Variants in TXNRD3 observed in about 807,000 individuals in gnomAD.
TXNRD3 encodes thioredoxin reductase 3, also known as TXNRD3 neighbor gene protein.
Under a neutral mutation model 78.2 loss-of-function variants are expected in TXNRD3, and 68 were observed. That is an observed-to-expected ratio of 0.87 (90% CI 0.72 to 1.06). The LOEUF is 1.06. Among genes scored for constraint, TXNRD3 ranks in the 50% least tolerant of loss-of-function variants. The pLI, the probability that TXNRD3 is intolerant of heterozygous loss-of-function variation, is 0.00. For synonymous variants in TXNRD3, 296 were observed against 300.1 expected (o/e 0.99, Z 0.14); for missense variants, 751 against 809.5 (o/e 0.93, Z 0.88).
chr3:126,624,418 GTCTT>G (rs1457738381), intron 10 of TXNRD3, among the ~76,000 whole-genome samples: 6 of 151,752 alleles, frequency 4.0e-5, no homozygotes, highest in African/African-American at 7.3e-5. Context: ...CAGTTAAATG[GTCTT>G]TCTTTTTTTT....
chr3:126,629,173 G>T (rs950909732), intron 10 of TXNRD3, among the ~76,000 whole-genome samples: 1 of 151,992 alleles, frequency 6.6e-6, no homozygotes, highest in Admixed American at 6.6e-5. Context: ...ACATACAGTC[G>T]CATACACACA....
chr3:126,631,938 G>C, intron 7 of TXNRD3, 59 bp from the exon 8 acceptor site: 1 of 1,136,876 alleles, frequency 8.8e-7, no homozygotes, highest in Non-Finnish European at 1.3e-6. Context: ...AGACACCCTG[G>C]ACAAAATAGT....
At chr3:126,618,691 C>A (rs1440109212) in intron 12 of TXNRD3, among the ~76,000 whole-genome samples, 1 of 151,808 alleles carries the variant, frequency 6.6e-6, no homozygotes, top group Non-Finnish European at 1.5e-5. Flanking sequence ...ACACAGGCAA[C>A]AAAATGAAAA....
rs1938478170 is a variant in TXNRD3 at position 126,622,364 on chromosome 3, T to C, written c.1367+100A>G. 1.2e-5 allele frequency: 9 copies of C among 779,542 alleles called. No individual in the cohort carries two copies. The South Asian group carries it at 1.7e-4, about 15-fold the overall frequency. The allele number at this position is 779,542 out of a possible 1,614,324, so 48.3% of individuals were successfully genotyped here. A position where few individuals can be genotyped will look rare whatever the true frequency, so the allele number is the denominator to read the frequency against. ...GCTGGCACTGAACTTATAAGATAAATTAAGACATATCTCAGTAATTAAATG... is the reference window on the plus strand; with the variant it reads ...GCTGGCACTGAACTTATAAGATAAACTAAGACATATCTCAGTAATTAAATG... On this transcript the variant is annotated intron_variant, in intron 11 of 15. Coordinates refer to ENST00000524230, the MANE Select transcript of TXNRD3 (RefSeq NM_052883.3).
Position 126,655,105 on chromosome 3 carries a change from C to A in TXNRD3, c.-115G>T. On this transcript the variant is annotated 5_prime_UTR_variant, in exon 1 of 16. Coordinates refer to ENST00000524230, the MANE Select transcript of TXNRD3 (RefSeq NM_052883.3). ...GAACGCTGCCCTCGCTGGCCACTCT[C>A]ACCACCCGCGCGAATCCGCGAGGCA... 7.7e-7 allele frequency: 1 copy of A among 1,299,730 alleles called. No homozygotes were observed. Among genetic ancestry groups the A allele is most frequent in the South Asian group, 2.1e-5 (1 of 48,200 alleles). 80.5% of individuals were successfully genotyped at this position (1,299,730 alleles called of 1,614,324 possible).
At chr3:126,653,435 C>T (rs1933436238) in intron 1 of TXNRD3, among the ~76,000 whole-genome samples, 1 of 152,256 alleles carries the variant, frequency 6.6e-6, no homozygotes, top group African/African-American at 2.4e-5. Flanking sequence ...TATAATTTCA[C>T]AGAAGAGGAA....
chr3:126,651,177 C>T (rs1233028038), intron 1 of TXNRD3, among the ~76,000 whole-genome samples: 2 of 152,140 alleles, frequency 1.3e-5, no homozygotes, highest in African/African-American at 4.8e-5. Flanking sequence ...GAAAACTGTA[C>T]AACCAAGTTA....
At chr3:126,649,811 A>G (rs1421013124) in intron 1 of TXNRD3, among the ~76,000 whole-genome samples, 1 of 152,222 alleles carries the variant, frequency 6.6e-6, no homozygotes, top group African/African-American at 2.4e-5. Context: ...ATAGAGACAG[A>G]AAGTCAGACG....
Position 126,642,102 on chromosome 3 carries a change from C to T in TXNRD3, c.642G>A (p.Met214Ile). The T allele has an allele frequency of 6.5e-7, 1 of 1,536,316 alleles. No individual in the cohort carries two copies. The highest frequency in any genetic ancestry group is 8.7e-7 in the Non-Finnish European group (1 of 1,146,898). ...CCTGCCCCAAAAGGGCAGCCTGATG[C>T]ATCAATTTCTTAGGAATACAACCTA... is the stretch of plus-strand genomic sequence containing the variant. The change falls in exon 6 of 16, where the codon ATG becomes ATA. Residue 214 changes from methionine to isoleucine, a missense_variant. Transcript: ENST00000524230.
At chr3:126,652,247 G>A (rs921086355) in intron 1 of TXNRD3, among the ~76,000 whole-genome samples, 40 of 152,172 alleles carry the variant, frequency 2.6e-4, no homozygotes, top group African/African-American at 9.4e-4. Context: ...GTGGGGAGAT[G>A]CTACACACTT....
chr3:126,650,874 A>G (rs1933371546), intron 1 of TXNRD3, among the ~76,000 whole-genome samples: 1 of 152,156 alleles, frequency 6.6e-6, no homozygotes. Flanking sequence ...CCTCCACAGA[A>G]GCCACTGTTT....
chr3:126,643,289 A>T (rs964804349), intron 5 of TXNRD3, among the ~76,000 whole-genome samples: 4 of 152,246 alleles, frequency 2.6e-5, no homozygotes, highest in African/African-American at 7.2e-5. Flanking sequence ...CATTTAAAGA[A>T]TAAATGGAAA....
Position 126,654,662 on chromosome 3 carries a change from C to T in TXNRD3, c.243+86G>A, listed in dbSNP as rs967123841. 1.2e-5 allele frequency: 11 copies of T among 939,512 alleles called. No individual in the cohort carries two copies. The East Asian group carries it at 4.8e-4, about 41-fold the overall frequency. The allele number at this position is 939,512 out of a possible 1,614,324, so 58.2% of individuals were successfully genotyped here. A position where few individuals can be genotyped will look rare whatever the true frequency, so the allele number is the denominator to read the frequency against. ...CGCCGCAGCCCGGGACCCGCGGGCG[C>T]CCCGGCCCGGACCCGCCCTGCCCCG... On this transcript the variant is annotated intron_variant, in intron 1 of 15. Coordinates refer to ENST00000524230, the MANE Select transcript of TXNRD3 (RefSeq NM_052883.3).
intron 12 of TXNRD3, among the ~76,000 whole-genome samples, chr3:126,616,862 T>C (rs1938331397): frequency 1.3e-5 from 2 of 152,226 alleles, no homozygotes; most frequent in Admixed American, 6.5e-5. Context: ...TACACTCTCA[T>C]GCCACTTCAT....
At chr3:126,642,476 C>T (rs1933118440) in intron 5 of TXNRD3, among the ~76,000 whole-genome samples, 1 of 152,210 alleles carries the variant, frequency 6.6e-6, no homozygotes, top group African/African-American at 2.4e-5. Context: ...AATCTCAGCT[C>T]CCAGCCCTGT....
chr3:126,644,626 C>T (rs1044764097), intron 3 of TXNRD3, among the ~76,000 whole-genome samples: 8 of 152,168 alleles, frequency 5.3e-5, no homozygotes, highest in Non-Finnish European at 8.8e-5. Context: ...CCTTCTTACA[C>T]CTGACAGCTA....
rs114817250 is a variant in TXNRD3 at position 126,644,006 on chromosome 3, G to A, written c.567C>T (p.Val189=). The change falls in exon 5 of 16, where the codon GTC becomes GTT. Residue 189 remains valine, a synonymous_variant. Transcript: ENST00000524230. ...CCCAGGATGTGCCCTGAGGTGACGGGACAACAAAGTCTAGCACCATAACTT... is the reference window on the plus strand; with the variant it reads ...CCCAGGATGTGCCCTGAGGTGACGGAACAACAAAGTCTAGCACCATAACTT... 1.1e-3 allele frequency: 1,730 copies of A among 1,536,036 alleles called. 22 individuals are homozygous for A. The African/African-American group carries it at 0.021, about 18-fold the overall frequency.
chr3:126,627,690 A>T (rs1349495056), intron 10 of TXNRD3, among the ~76,000 whole-genome samples: 1 of 152,234 alleles, frequency 6.6e-6, no homozygotes. Flanking sequence ...AAAAAGTCTT[A>T]AAAGTCCTTT....
chr3:126,638,083 A>G (rs1932952836), intron 6 of TXNRD3, among the ~76,000 whole-genome samples: 4 of 151,624 alleles, frequency 2.6e-5, no homozygotes, highest in African/African-American at 9.7e-5. Flanking sequence ...AGCTGGGACT[A>G]CAGGCGCATG....
Sources: gnomAD v4.1 joint callset for allele counts (sites outside exome capture counted in the v4.1 genomes callset) on GRCh38, gnomAD v4.1.1 for gene constraint, MANE v1.5 for transcripts, NCBI Gene and HGNC (gene_info 2026-07-23, HGNC 2026-07-21) for gene names.